Variants in DLG2 observed in about 807,000 individuals in gnomAD.
DLG2 encodes the protein disks large homolog 2.
Under a neutral mutation model 132.5 loss-of-function variants are expected in DLG2, and 45 were observed. The ratio of observed to expected loss-of-function variants is 0.34; its 90% CI spans 0.27 to 0.44. The LOEUF (loss-of-function observed/expected upper bound fraction) is 0.44, where lower values mean the gene tolerates loss of function less well. Ranked by LOEUF, DLG2 falls within the 20% of genes least tolerant of loss-of-function variation. The pLI is 1.00. For missense variants in DLG2, 1,045 were observed against 1,196.9 expected (o/e 0.87, Z 1.87); for synonymous variants, 424 against 419.6 (o/e 1.01, Z -0.13).
intron 7 of DLG2, among the ~76,000 whole-genome samples, chr11:84,502,374 CTTT>C (rs2099220790): frequency 1.2e-5 from 1 of 83,912 alleles, no homozygotes. Flanking sequence ...TTCTTTCTTT[CTTT>C]CTTTCTTTCT....
chr11:85,497,832 C>T (rs1320096715), intron 3 of DLG2, among the ~76,000 whole-genome samples: 1 of 152,104 alleles, frequency 6.6e-6, no homozygotes, highest in Non-Finnish European at 1.5e-5. Flanking sequence ...CCAAACTAAG[C>T]TTCATAAGTG....
At chr11:83,814,030 T>C (rs979304719) in intron 17 of DLG2, among the ~76,000 whole-genome samples, 2 of 152,116 alleles carry the variant, frequency 1.3e-5, no homozygotes, top group Admixed American at 1.3e-4. Flanking sequence ...ATTTTTACAT[T>C]GTAGAGAAAG....
chr11:85,485,970 G>C (rs772769357), intron 3 of DLG2, among the ~76,000 whole-genome samples: 5 of 152,126 alleles, frequency 3.3e-5, no homozygotes, highest in African/African-American at 4.8e-5. Context: ...AGACAACTAG[G>C]ATAGTCCACA....
At chr11:84,569,317 A>G (rs2099471098) in intron 6 of DLG2, among the ~76,000 whole-genome samples, 1 of 152,232 alleles carries the variant, frequency 6.6e-6, no homozygotes, top group Admixed American at 6.5e-5. Context: ...ACAACATACA[A>G]GAACAAAAGG....
At chr11:84,346,780 G>T (rs992102992) in intron 7 of DLG2, among the ~76,000 whole-genome samples, 3 of 152,126 alleles carry the variant, frequency 2.0e-5, no homozygotes, top group Non-Finnish European at 4.4e-5. Context: ...GTTTCACCAT[G>T]TTGGCCAGGA....
intron 6 of DLG2, among the ~76,000 whole-genome samples, chr11:84,672,348 G>A (rs552290632): frequency 5.2e-4 from 79 of 152,102 alleles, no homozygotes; most frequent in Non-Finnish European, 1.0e-3. Context: ...GTACGTAGAA[G>A]CATATCTCAG....
intron 6 of DLG2, among the ~76,000 whole-genome samples, chr11:84,813,754 G>A (rs977002613): frequency 4.6e-5 from 7 of 151,960 alleles, no homozygotes; most frequent in African/African-American, 7.2e-5. Context: ...TACACATTAC[G>A]TATTTAAACG....
intron 26 of DLG2, 34 bp from the exon 27 acceptor site, chr11:83,462,127 G>T (rs774352322): frequency 2.2e-6 from 3 of 1,350,724 alleles, no homozygotes; most frequent in Non-Finnish European, 3.2e-6. Flanking sequence ...AGAACATAAA[G>T]GGAATATTCC....
intron 7 of DLG2, among the ~76,000 whole-genome samples, chr11:84,359,523 G>A (rs1440802620): frequency 1.3e-5 from 2 of 151,842 alleles, no homozygotes; most frequent in African/African-American, 4.8e-5. Context: ...TAGGGTGTCT[G>A]GAATTTAGTT....
intron 3 of DLG2, among the ~76,000 whole-genome samples, chr11:85,585,128 G>T (rs1328244980): frequency 6.6e-6 from 1 of 152,092 alleles, no homozygotes. Context: ...AATTTTTATG[G>T]TTTCAGGTCT....
At chr11:84,511,571 A>G (rs569963012) in intron 7 of DLG2, among the ~76,000 whole-genome samples, 19 of 152,330 alleles carry the variant, frequency 1.2e-4, no homozygotes, top group Middle Eastern at 6.8e-3. Flanking sequence ...TAATATATTA[A>G]TAACCACTTA....
rs190351622 is a variant in DLG2, at chr11:85,186,342, T to C, written c.187-31691A>G. ...TAATGAAGTATTTTACATTTCTTTTTTAGTACTAAGTCTTTGAAATCTGTT... is the reference window on the plus strand; with the variant it reads ...TAATGAAGTATTTTACATTTCTTTTCTAGTACTAAGTCTTTGAAATCTGTT... On this transcript the variant is annotated intron_variant, in intron 4 of 27. Transcript: ENST00000376104. Among the ~76,000 whole-genome samples the C allele has an allele frequency of 1.4e-4, 21 of 152,234 alleles. 1 individual carries two copies. Among genetic ancestry groups the C allele is most frequent in the African/African-American group, 4.1e-4 (17 of 41,564 alleles).
At chr11:85,002,345 C>G (rs1203572794) in intron 6 of DLG2, among the ~76,000 whole-genome samples, 3 of 152,218 alleles carry the variant, frequency 2.0e-5, no homozygotes, top group Middle Eastern at 3.4e-3. Flanking sequence ...CTACAACAGT[C>G]TCCTATTTAG....
intron 2 of DLG2, among the ~76,000 whole-genome samples, chr11:85,605,661 G>C (rs1474136843): frequency 6.6e-6 from 1 of 152,154 alleles, no homozygotes; most frequent in African/African-American, 2.4e-5. Flanking sequence ...TTCCAACAAA[G>C]TGAAAGATTA....
chr11:84,157,487 G>A (rs1259292743), intron 9 of DLG2, among the ~76,000 whole-genome samples: 1 of 152,108 alleles, frequency 6.6e-6, no homozygotes, highest in African/African-American at 2.4e-5. Context: ...CTGGAATGCA[G>A]TGGCACAATC....
chr11:84,387,133 C>G (rs1278024637), intron 7 of DLG2, among the ~76,000 whole-genome samples: 1 of 151,980 alleles, frequency 6.6e-6, no homozygotes, highest in Non-Finnish European at 1.5e-5. Flanking sequence ...CCCAGGTCAT[C>G]CCCCATCACC....
chr11:83,591,137 T>A lies in DLG2; in HGVS notation c.1940+42074A>T, dbSNP rs2097180521. On this transcript the variant is annotated intron_variant, in intron 19 of 27. Transcript: ENST00000376104. ...AAAGAGGGAATCCTCCCTAACTCAT[T>A]TTATGAGGCCAGCATCATCCTGATA... Among the ~76,000 whole-genome samples the A allele has an allele frequency of 2.7e-5, 4 of 150,566 alleles. No homozygotes were observed. In the South Asian group the frequency reaches 8.4e-4, roughly 32 times the overall value.
chr11:84,075,964 T>G lies in DLG2; in HGVS notation c.750-16480A>C, dbSNP rs561755451. 1.6e-4 allele frequency among the ~76,000 whole-genome samples: 24 copies of G among 152,322 alleles called. 2 individuals carry two copies. In the South Asian group the frequency reaches 5.0e-3, roughly 32 times the overall value. The stretch of plus-strand genomic sequence containing the variant: ...AATCTATTACACTTGTTCTCATTTG[T>G]GGAGGCAAAACTCAGAGCCTGAGGA... On this transcript the variant is annotated intron_variant, in intron 10 of 27. Coordinates refer to ENST00000376104, the MANE Select transcript of DLG2 (RefSeq NM_001142699.3).
intron 11 of DLG2, among the ~76,000 whole-genome samples, chr11:83,983,297 A>T (rs1592330451): frequency 1.3e-5 from 2 of 152,244 alleles, no homozygotes; most frequent in Middle Eastern, 3.4e-3. Flanking sequence ...GACAGATATT[A>T]ATCAAGGGCC....
Sources: gnomAD v4.1 joint callset for allele counts (sites outside exome capture counted in the v4.1 genomes callset) on GRCh38, gnomAD v4.1.1 for gene constraint, MANE v1.5 for transcripts, NCBI Gene and HGNC (gene_info 2026-07-23, HGNC 2026-07-21) for gene names.